Variants in STEAP2 observed in about 807,000 individuals in gnomAD.
STEAP2 encodes STEAP2 metalloreductase, also known as metalloreductase STEAP2.
A neutral mutation model predicts 46.4 loss-of-function variants in STEAP2; 30 were observed. The observed-to-expected ratio is 0.65, with a 90% CI of 0.48 to 0.88. The LOEUF (loss-of-function observed/expected upper bound fraction) is 0.88. Ranked by LOEUF, STEAP2 falls within the 40% of genes least tolerant of loss-of-function variation. The probability of loss-of-function intolerance (pLI) is 0.00; values close to 1 mark genes in which losing one functional copy is unlikely to be tolerated. For synonymous variants in STEAP2, 180 were observed against 200.5 expected, an observed-to-expected ratio of 0.90 and a Z score of 0.86; for missense variants, 513 against 579.3, an observed-to-expected ratio of 0.89 and a Z score of 1.18.
Position 90,232,571 on chromosome 7 carries a change from G to A in STEAP2, c.1420G>A (p.Gly474Ser), listed in dbSNP as rs922737012. 2.5e-6 allele frequency: 4 copies of A among 1,613,408 alleles called. No homozygotes were observed. Among genetic ancestry groups the A allele is most frequent in the South Asian group, 1.1e-5 (1 of 91,048 alleles). ...GGAAAAGAGCCAATTTCTGGAAGAA[G>A]GTATGGGAGGAACAATTCCTCATGT... ...GWEKSQFLEE[G>S]MGGTIPHVSP... Residue 474 changes from glycine to serine, a missense_variant, in exon 6 of 6, where the codon GGT becomes AGT. Coordinates refer to ENST00000394621, the MANE Select transcript of STEAP2 (RefSeq NM_001244944.2).
At position 90,234,740 on chromosome 7, in the gene STEAP2, A is replaced by T; in HGVS notation, c.*2116A>T. 6.0e-6 allele frequency: 3 copies of T among 502,218 alleles called. No individual in the cohort carries two copies. The highest frequency in any genetic ancestry group is 7.7e-6 in the Non-Finnish European group (3 of 389,048). The allele number at this position is 502,218 out of a possible 1,614,324, so 31.1% of individuals were successfully genotyped here. ...TGATTTCTTTTTGTATTTTTAGTAG[A>T]GACGGAGTTTCACCGTGTTAGCCAG... On this transcript the variant is annotated 3_prime_UTR_variant, in exon 6 of 6. Transcript: ENST00000394621.
At chr7:90,227,541 T>C (rs1795555108) in intron 4 of STEAP2, 43 bp downstream of exon 4, 2 of 1,448,732 alleles carry the variant, frequency 1.4e-6, no homozygotes, top group African/African-American at 1.4e-5. Context: ...AGTAAAATAC[T>C]TTTTATTAGT....
chr7:90,227,115 A>G lies in STEAP2; in HGVS notation c.637A>G (p.Arg213Gly). 1 of 1,613,900 alleles carries G rather than the reference A, an allele frequency of 6.2e-7. No homozygotes were observed. Among genetic ancestry groups the G allele is most frequent in the Non-Finnish European group, 8.5e-7 (1 of 1,179,872 alleles). The change falls in exon 4 of 6, where the codon AGA (arginine) becomes GGA (glycine). Residue 213 changes from arginine to glycine, a missense_variant. Physicochemically the swap from Arg to Gly is moderately radical, Grantham distance 125. Transcript: ENST00000394621. ...NLPLRLFTLW[R>G]GPVVVAISLA... The stretch of plus-strand genomic sequence containing the variant: ...ACCCCTACGACTCTTTACTCTCTGG[A>G]GAGGGCCAGTGGTGGTAGCTATAAG...
At chr7:90,219,596 G>T (rs1584229666) in intron 2 of STEAP2, among the ~76,000 whole-genome samples, 1 of 152,170 alleles carries the variant, frequency 6.6e-6, no homozygotes, top group East Asian at 1.9e-4. Flanking sequence ...CACAGTTGTT[G>T]ATTTGCATAT....
In STEAP2 at chr7:90,232,741, G is replaced by C; in HGVS notation, c.*117G>C. ...TATCGTGGGTTGAAACTTGTTAAATGAGATTTCAACTGACTTAGTGATAGA... is the reference window on the plus strand; with the variant it reads ...TATCGTGGGTTGAAACTTGTTAAATCAGATTTCAACTGACTTAGTGATAGA... On this transcript the variant is annotated 3_prime_UTR_variant, in exon 6 of 6. Coordinates refer to ENST00000394621, the MANE Select transcript of STEAP2 (RefSeq NM_001244944.2). The C allele has an allele frequency of 2.2e-6, 3 of 1,380,224 alleles. No individual in the cohort carries two copies. The highest frequency in any genetic ancestry group is 2.8e-6 in the Non-Finnish European group (3 of 1,065,930). 85.5% of individuals were successfully genotyped at this position (1,380,224 alleles called of 1,614,324 possible). A position where few individuals can be genotyped will look rare whatever the true frequency, so the allele number is the denominator to read the frequency against.
At chr7:90,216,004 ACCT>A (rs1431120863) in intron 1 of STEAP2, 1 of 152,084 alleles carries the variant, frequency 6.6e-6, no homozygotes, top group Admixed American at 6.6e-5. Context: ...TGAACTCCTG[ACCT>A]CAAGTGATCC....
At chr7:90,241,733 T>G (rs1796063717), downstream of STEAP2, among the ~76,000 whole-genome samples, 1 of 152,194 alleles carries the variant, frequency 6.6e-6, no homozygotes, top group Admixed American at 6.5e-5. Context: ...CATATCAAAG[T>G]GACTCTCAAG....
In STEAP2 at chr7:90,235,635, A is replaced by G; in HGVS notation, c.*3011A>G. The G allele has an allele frequency of 2.1e-6, 2 of 975,120 alleles. No individual in the cohort carries two copies. Among genetic ancestry groups the G allele is most frequent in the Non-Finnish European group, 2.4e-6 (2 of 820,988 alleles). The allele number at this position is 975,120 out of a possible 1,614,324, so 60.4% of individuals were successfully genotyped here. On this transcript the variant is annotated 3_prime_UTR_variant, in exon 6 of 6. Transcript: ENST00000394621. ...CCTATGCAAAAAAAAAAATCAAGTA[A>G]TTGTTTTCCTATGAGGAAAATAACC... is the stretch of plus-strand genomic sequence containing the variant.
chr7:90,235,721 A>C lies in STEAP2; in HGVS notation c.*3097A>C, dbSNP rs1046831488. The C allele has an allele frequency of 1.3e-6, 1 of 798,732 alleles. No individual in the cohort carries two copies. The highest frequency in any genetic ancestry group is 1.5e-6 in the Non-Finnish European group (1 of 659,782). 49.5% of individuals were successfully genotyped at this position (798,732 alleles called of 1,614,324 possible). ...TATTTCTTATGTCTCCTCTATTAAGAGTATTTAAAATCATATTTAAATATG... is the reference window on the plus strand; with the variant it reads ...TATTTCTTATGTCTCCTCTATTAAGCGTATTTAAAATCATATTTAAATATG... On this transcript the variant is annotated 3_prime_UTR_variant, in exon 6 of 6. Coordinates refer to ENST00000394621, the MANE Select transcript of STEAP2 (RefSeq NM_001244944.2).
chr7:90,221,497 T>C (rs1205538243), intron 2 of STEAP2, among the ~76,000 whole-genome samples: 2 of 152,210 alleles, frequency 1.3e-5, no homozygotes, highest in Admixed American at 6.5e-5. Flanking sequence ...TTCAGTCTTA[T>C]ATGTGTTTTT....
intron 5 of STEAP2, among the ~76,000 whole-genome samples, chr7:90,231,066 C>T (rs1795720647): frequency 1.3e-5 from 2 of 151,724 alleles, no homozygotes; most frequent in African/African-American, 4.8e-5. Flanking sequence ...TTGATATTTT[C>T]CAGTAAAGTT....
At chr7:90,230,605 A>T (rs1181934542) in intron 5 of STEAP2, among the ~76,000 whole-genome samples, 1 of 151,996 alleles carries the variant, frequency 6.6e-6, no homozygotes, top group Non-Finnish European at 1.5e-5. Flanking sequence ...ATACGTATGG[A>T]TGTCTGTAAA....
At position 90,236,870 on chromosome 7, in the gene STEAP2, C is replaced by G. The variant is rs1375809580; in HGVS notation, c.*4246C>G. 1.9e-6 allele frequency: 3 copies of G among 1,613,062 alleles called. No homozygotes were observed. The African/African-American group carries it at 4.0e-5, about 22-fold the overall frequency. On this transcript the variant is annotated 3_prime_UTR_variant, in exon 6 of 6. Transcript: ENST00000394621. Reference sequence around the variant, plus strand: ...AAATTGCCAACTTTAAGGAAATATTCTCTTGAAATTGTCTTTAAAGATCTT... The same window carrying G: ...AAATTGCCAACTTTAAGGAAATATTGTCTTGAAATTGTCTTTAAAGATCTT...
intron 4 of STEAP2, among the ~76,000 whole-genome samples, chr7:90,229,471 A>G (rs922027299): frequency 2.0e-5 from 3 of 152,210 alleles, no homozygotes; most frequent in Non-Finnish European, 4.4e-5. Context: ...ACTATATCCC[A>G]GATATTCAAC....
downstream of STEAP2, chr7:90,238,042 C>G: frequency 1.4e-6 from 1 of 716,996 alleles, no homozygotes; most frequent in Non-Finnish European, 2.6e-6. Context: ...CATCCCGCAT[C>G]CATGCAGCCA....
At chr7:90,242,408 G>A (rs1042236609), downstream of STEAP2, among the ~76,000 whole-genome samples, 1 of 152,202 alleles carries the variant, frequency 6.6e-6, no homozygotes, top group African/African-American at 2.4e-5. Context: ...AGCCTGTGCT[G>A]TTAAAATACA....
intron 3 of STEAP2, 90 bp from the exon 4 acceptor site, chr7:90,226,881 C>G: frequency 2.3e-6 from 3 of 1,289,574 alleles, no homozygotes; most frequent in Non-Finnish European, 2.1e-6. Context: ...TCAAGGTCAT[C>G]ACAGGTGATG....
Position 90,232,430 on chromosome 7 carries a change from T to G in STEAP2, c.1279T>G (p.Tyr427Asp), listed in dbSNP as rs756873350. ...TTTTGAGGAAGAGTACTACAGATTT[T>G]ATACACCACCAAACTTTGTTCTTGC... ...RAFEEEYYRF[Y>D]TPPNFVLALV... The change falls in exon 6 of 6, where the codon TAT (tyrosine) becomes GAT (aspartate). Residue 427 changes from tyrosine (Y) to aspartate (D), a missense_variant. Coordinates refer to ENST00000394621, the MANE Select transcript of STEAP2 (RefSeq NM_001244944.2). 1 of 1,613,812 alleles carries G rather than the reference T, an allele frequency of 6.2e-7. No homozygotes were observed. Among genetic ancestry groups the G allele is most frequent in the Non-Finnish European group, 8.5e-7 (1 of 1,179,742 alleles).
rs1315869329 is a variant in STEAP2, at chr7:90,235,586, G to A, written c.*2962G>A. 3 of 982,216 alleles carry A rather than the reference G, an allele frequency of 3.1e-6. No individual in the cohort carries two copies. In the African/African-American group the frequency reaches 5.3e-5, roughly 17 times the overall value. 60.8% of individuals were successfully genotyped at this position (982,216 alleles called of 1,614,324 possible). On this transcript the variant is annotated 3_prime_UTR_variant, in exon 6 of 6. Coordinates refer to ENST00000394621, the MANE Select transcript of STEAP2 (RefSeq NM_001244944.2). ...GTGCCCCTTAGAAAGTTAAAAGAAT[G>A]TAGAAAAGATACTCAGTCTTAATCC...
Sources: allele counts gnomAD v4.1 joint callset (sites outside exome capture counted in the v4.1 genomes callset), GRCh38; gene constraint gnomAD v4.1.1; transcripts MANE v1.5; gene names NCBI Gene and HGNC (gene_info 2026-07-23, HGNC 2026-07-21).